The following NR1I2 variants were observed in gnomAD, a reference collection of about 807,000 sequenced individuals.
NR1I2 encodes nuclear receptor subfamily 1 group I member 2, also known as orphan nuclear receptor PAR1.
Under a neutral mutation model 43.3 loss-of-function variants are expected in NR1I2, and 42 were observed. The ratio of observed to expected loss-of-function variants is 0.97; its 90% CI spans 0.76 to 1.26. The LOEUF (loss-of-function observed/expected upper bound fraction) is 1.26. NR1I2 is among the 50% of genes most tolerant of loss of function. NR1I2 has a pLI of 0.00. For synonymous variants in NR1I2, 229 were observed against 215.0 expected, an observed-to-expected ratio of 1.06 and a Z score of -0.57; for missense variants, 559 against 566.7, an observed-to-expected ratio of 0.99 and a Z score of 0.14.
intron 1 of NR1I2, among the ~76,000 whole-genome samples, chr3:119,797,597 C>T (rs2055019250): frequency 6.6e-6 from 1 of 152,188 alleles, no homozygotes; most frequent in Non-Finnish European, 1.5e-5. Context: ...TATCTACACA[C>T]ACAGATACAT....
intron 7 of NR1I2, 32 bp from the exon 8 acceptor site, chr3:119,815,694 A>G (rs1199984070): frequency 1.3e-6 from 2 of 1,568,400 alleles, no homozygotes; most frequent in African/African-American, 1.3e-5. Flanking sequence ...TCTTTGCCCC[A>G]TGATCTTGCA....
At position 119,812,818 on chromosome 3, in the gene NR1I2, G is replaced by T. The variant is rs147984184; in HGVS notation, c.652G>T (p.Glu218Ter). ...GAAGGTCTCTCTGCAGCTGCGGGGG[G>T]AGGATGGCAGTGTCTGGAACTACAA... The change falls in exon 5 of 9, where the codon GAG becomes TAG. Residue 218 changes from glutamate to a stop codon, truncating the protein, a stop_gained. Transcript: ENST00000393716. LOFTEE classifies it high-confidence loss of function. 7.4e-6 allele frequency: 12 copies of T among 1,614,124 alleles called. No homozygotes were observed. Among genetic ancestry groups the T allele is most frequent in the Non-Finnish European group, 8.5e-6 (10 of 1,180,054 alleles).
At chr3:119,793,212 T>C (rs2054946589) in intron 1 of NR1I2, among the ~76,000 whole-genome samples, 2 of 152,248 alleles carry the variant, frequency 1.3e-5, no homozygotes, top group East Asian at 1.9e-4. Context: ...CTTCATAAAT[T>C]ACCCAGCCTC....
In NR1I2 at chr3:119,812,969, T is replaced by A. The variant is rs1424521255; in HGVS notation, c.794+9T>A. The A allele has an allele frequency of 6.2e-7, 1 of 1,612,374 alleles. No individual in the cohort carries two copies. Among genetic ancestry groups the A allele is most frequent in the African/African-American group, 1.3e-5 (1 of 75,066 alleles). ...GTCATCTCCTACTTCAGGTAGGACATGGAGACTGGGTGGTTGGGTGTGGAA... is the reference window on the plus strand; with the variant it reads ...GTCATCTCCTACTTCAGGTAGGACAAGGAGACTGGGTGGTTGGGTGTGGAA... On this transcript the variant is annotated intron_variant, in intron 5 of 8. Transcript: ENST00000393716.
At chr3:119,807,586 G>A in intron 2 of NR1I2, 139 bp downstream of exon 2, 6 of 719,534 alleles carry the variant, frequency 8.3e-6, no homozygotes, top group South Asian at 4.5e-5. Flanking sequence ...TAGTCTCAAG[G>A]GAGCCATTTA....
chr3:119,792,360 GA>G, intron 1 of NR1I2: 1 of 1,383,366 alleles, frequency 7.2e-7, no homozygotes, highest in Non-Finnish European at 1.0e-6. Flanking sequence ...GGAGTTCACA[GA>G]AGCAGTGGAA....
chr3:119,803,125 A>G (rs575842248), intron 1 of NR1I2, among the ~76,000 whole-genome samples: 1 of 152,046 alleles, frequency 6.6e-6, no homozygotes, highest in African/African-American at 2.4e-5. Context: ...TGAGCCCAGA[A>G]GTTGCAGACA....
rs2107944088 is a variant in NR1I2, at chr3:119,786,750, C to G, written c.-23+4450C>G. 2.0e-5 allele frequency among the ~76,000 whole-genome samples: 3 copies of G among 152,308 alleles called. No individual in the cohort carries two copies. The South Asian group carries it at 6.2e-4, about 32-fold the overall frequency. Reference sequence around the variant, plus strand: ...CATAAAGGCCAATTTTCATTTATGGCCCCCTGAAGAGAGCAGCTGACTTCT... The same window carrying G: ...CATAAAGGCCAATTTTCATTTATGGGCCCCTGAAGAGAGCAGCTGACTTCT... On this transcript the variant is annotated intron_variant, in intron 1 of 8. Coordinates refer to ENST00000393716, the MANE Select transcript of NR1I2 (RefSeq NM_003889.4).
Position 119,804,799 on chromosome 3 carries a change from C to T in NR1I2, c.-22-2430C>T, listed in dbSNP as rs529047753. 2.3e-4 allele frequency among the ~76,000 whole-genome samples: 35 copies of T among 152,262 alleles called. No individual in the cohort carries two copies. In the South Asian group the frequency reaches 7.3e-3, roughly 32 times the overall value. On this transcript the variant is annotated intron_variant, in intron 1 of 8. Transcript: ENST00000393716. ...GTGTTTTCTATTCGTCTCACCCTTTCAGTTTCTTAACTCTCTAATTGCCTT... is the reference window on the plus strand; with the variant it reads ...GTGTTTTCTATTCGTCTCACCCTTTTAGTTTCTTAACTCTCTAATTGCCTT...
At chr3:119,783,976 T>G (rs1361343002) in intron 1 of NR1I2, among the ~76,000 whole-genome samples, 1 of 152,230 alleles carries the variant, frequency 6.6e-6, no homozygotes, top group Non-Finnish European at 1.5e-5. Context: ...CCGTTTTCTT[T>G]TCGATAGATA....
rs765197913 is a variant in NR1I2, at chr3:119,811,616, C to A, written c.409C>A (p.Pro137Thr). 5 of 1,613,870 alleles carry A rather than the reference C, an allele frequency of 3.1e-6. No individual in the cohort carries two copies. The highest frequency in any genetic ancestry group is 8.5e-7 in the Non-Finnish European group (1 of 1,179,984). Residue 137 changes from proline to threonine, a missense_variant, in exon 4 of 9, where the codon CCA becomes ACA. Transcript: ENST00000393716. ...GAAAAGTGAACGGACAGGGACTCAG[C>A]CACTGGGAGTGCAGGGGCTGACAGA...
chr3:119,797,184 ATATG>A (rs913052639), intron 1 of NR1I2, among the ~76,000 whole-genome samples: 20 of 25,004 alleles, frequency 8.0e-4, no homozygotes, highest in African/African-American at 2.3e-3. Context: ...CTGCACAAAG[ATATG>A]TGTGTGTGTG....
chr3:119,782,775 T>A, intron 1 of NR1I2: 2 of 1,614,084 alleles, frequency 1.2e-6, no homozygotes, highest in Non-Finnish European at 1.7e-6. Flanking sequence ...TCACCAGGAC[T>A]CACCACTTCA....
At chr3:119,804,963 T>G (rs2055131742) in intron 1 of NR1I2, among the ~76,000 whole-genome samples, 1 of 152,212 alleles carries the variant, frequency 6.6e-6, no homozygotes, top group Non-Finnish European at 1.5e-5. Flanking sequence ...TACCATCTTT[T>G]TTTCCCTTCA....
intron 1 of NR1I2, among the ~76,000 whole-genome samples, chr3:119,783,364 C>A (rs937004011): frequency 1.3e-5 from 2 of 151,870 alleles, no homozygotes; most frequent in Non-Finnish European, 2.9e-5. Context: ...TTTTGCCCTA[C>A]AACATCCTTT....
intron 1 of NR1I2, among the ~76,000 whole-genome samples, chr3:119,785,243 C>T (rs2054828975): frequency 6.6e-6 from 1 of 152,166 alleles, no homozygotes; most frequent in Non-Finnish European, 1.5e-5. Context: ...TTCCTGATTT[C>T]CATTTTTATT....
chr3:119,791,455 CAT>C (rs2054917818), intron 1 of NR1I2, among the ~76,000 whole-genome samples: 1 of 152,170 alleles, frequency 6.6e-6, no homozygotes, highest in African/African-American at 2.4e-5. Flanking sequence ...GTTGACAGCT[CAT>C]GTGACACACC....
rs1051970793 is a variant in NR1I2, at chr3:119,817,622, G to A, written c.*410G>A. 19 of 1,145,362 alleles carry A rather than the reference G, an allele frequency of 1.7e-5. No homozygotes were observed. Among genetic ancestry groups the A allele is most frequent in the Middle Eastern group, 4.0e-4 (1 of 2,520 alleles). The allele number at this position is 1,145,362 out of a possible 1,614,324, so 70.9% of individuals were successfully genotyped here. Reference sequence around the variant, plus strand: ...TATGCCCACATACCCACGTTTGTTCGCTTCCTGAGTCTTTTCATTGCTACC... The same window carrying A: ...TATGCCCACATACCCACGTTTGTTCACTTCCTGAGTCTTTTCATTGCTACC... On this transcript the variant is annotated 3_prime_UTR_variant, in exon 9 of 9. Transcript: ENST00000393716.
chr3:119,817,454 A>T lies in NR1I2; in HGVS notation c.*242A>T. The T allele has an allele frequency of 7.3e-7, 1 of 1,376,188 alleles. No homozygotes were observed. Among genetic ancestry groups the T allele is most frequent in the Non-Finnish European group, 9.4e-7 (1 of 1,060,714 alleles). 85.2% of individuals were successfully genotyped at this position (1,376,188 alleles called of 1,614,324 possible). A position where few individuals can be genotyped will look rare whatever the true frequency, so the allele number is the denominator to read the frequency against. On this transcript the variant is annotated 3_prime_UTR_variant, in exon 9 of 9. Transcript: ENST00000393716. Reference sequence around the variant, plus strand: ...AGACTCTTACGTGGAGAGTGCACTGACCTGTAGGTCAGGACCATCAGAGAG... The same window carrying T: ...AGACTCTTACGTGGAGAGTGCACTGTCCTGTAGGTCAGGACCATCAGAGAG...
Sources: allele counts gnomAD v4.1 joint callset (sites outside exome capture counted in the v4.1 genomes callset), GRCh38; gene constraint gnomAD v4.1.1; transcripts MANE v1.5; gene names NCBI Gene and HGNC (gene_info 2026-07-23, HGNC 2026-07-21).